KDM4C: variants seen among roughly 807,000 people sequenced by gnomAD.
KDM4C encodes lysine demethylase 4C.
In KDM4C, 81 loss-of-function variants were observed where a neutral mutation model predicts 129.3. That is an observed-to-expected ratio of 0.63 (90% CI 0.52 to 0.75). KDM4C has a LOEUF of 0.75. Ranked by LOEUF, KDM4C falls within the 30% of genes least tolerant of loss-of-function variation. The probability of loss-of-function intolerance (pLI) is 0.00; values close to 1 mark genes in which losing one functional copy is unlikely to be tolerated. For missense variants in KDM4C, 1,457 were observed against 1,304.0 expected (o/e 1.12, Z -1.81); for synonymous variants, 573 against 456.1 (o/e 1.26, Z -3.26).
rs1388114417 is a variant in KDM4C at position 6,969,927 on chromosome 9, G to T, written c.922-10998G>T. ...TCAGGCAGTTGTTTCCCATGTTGTG[G>T]CAGAGATGACTGTTAGCTTCTGTAG... On this transcript the variant is annotated intron_variant, in intron 8 of 21. Coordinates refer to ENST00000381309, the MANE Select transcript of KDM4C (RefSeq NM_015061.6). Among the ~76,000 whole-genome samples the T allele has an allele frequency of 1.3e-5, 2 of 152,276 alleles. 1 individual carries two copies. Among genetic ancestry groups the T allele is most frequent in the Middle Eastern group, 6.8e-3 (2 of 294 alleles).
In KDM4C at chr9:6,758,119, A is replaced by T. The variant is rs1417452096; in HGVS notation, c.-102A>T. On this transcript the variant is annotated 5_prime_UTR_variant, in exon 1 of 22. Transcript: ENST00000381309. This position sits in a 1 kb window ranked among gnomAD's most constrained non-coding sequence, Gnocchi z 4.6. ...ACCTAGTGCGGAACAAGTCTCCCAA[A>T]TTTCCCAAATCTCCCTGGGCCGGAG... is the stretch of plus-strand genomic sequence containing the variant. 65 of 985,108 alleles carry T rather than the reference A, an allele frequency of 6.6e-5. No individual in the cohort carries two copies. Among genetic ancestry groups the T allele is most frequent in the Non-Finnish European group, 7.8e-5 (65 of 829,968 alleles). 61.0% of individuals were successfully genotyped at this position (985,108 alleles called of 1,614,324 possible).
intron 1 of KDM4C, among the ~76,000 whole-genome samples, chr9:6,740,992 T>C (rs912230557): frequency 1.3e-5 from 2 of 151,602 alleles, no homozygotes; most frequent in African/African-American, 4.8e-5. Flanking sequence ...GCCTGGCTAA[T>C]TTTTGTATTT....
At chr9:7,141,384 T>G (rs977960237) in intron 19 of KDM4C, among the ~76,000 whole-genome samples, 5 of 151,372 alleles carry the variant, frequency 3.3e-5, no homozygotes, top group East Asian at 3.9e-4. Context: ...AACAACAACA[T>G]AAGGTGGGTT....
intron 2 of KDM4C, among the ~76,000 whole-genome samples, chr9:6,799,338 G>A (rs377066317): frequency 3.9e-5 from 6 of 152,244 alleles, no homozygotes; most frequent in South Asian, 2.1e-4. Context: ...CGAGGCTGGC[G>A]GATCACTCGC....
At chr9:6,783,941 A>C (rs1264339116) in intron 1 of KDM4C, among the ~76,000 whole-genome samples, 1 of 152,124 alleles carries the variant, frequency 6.6e-6, no homozygotes, top group Non-Finnish European at 1.5e-5. Flanking sequence ...AGAAGGCTGT[A>C]GCTTGGGTGA....
At chr9:6,834,882 ACTT>A in intron 4 of KDM4C, 1 of 1,304,240 alleles carries the variant, frequency 7.7e-7, no homozygotes, top group South Asian at 1.2e-5. Flanking sequence ...CTGTCCCTGT[ACTT>A]CTTTGGCTGT....
intron 8 of KDM4C, among the ~76,000 whole-genome samples, chr9:6,977,334 T>G (rs1489131754): frequency 6.6e-6 from 1 of 152,218 alleles, no homozygotes; most frequent in Non-Finnish European, 1.5e-5. Flanking sequence ...CTCTTTAGGT[T>G]ATAATATGAT....
At chr9:6,944,663 T>TG (rs1171500799) in intron 8 of KDM4C, among the ~76,000 whole-genome samples, 1 of 144,972 alleles carries the variant, frequency 6.9e-6, no homozygotes, top group East Asian at 2.0e-4. Context: ...TTTTTTTTTT[T>TG]TTTTTTTTTT....
At chr9:6,912,123 G>C (rs1819426520) in intron 8 of KDM4C, among the ~76,000 whole-genome samples, 1 of 152,214 alleles carries the variant, frequency 6.6e-6, no homozygotes, top group African/African-American at 2.4e-5. Context: ...GGCAGAGCCA[G>C]GGAGGGGCCT....
intron 8 of KDM4C, among the ~76,000 whole-genome samples, chr9:6,908,683 G>A (rs776937820): frequency 6.6e-6 from 1 of 151,954 alleles, no homozygotes; most frequent in Non-Finnish European, 1.5e-5. Context: ...CTGAGGTGGG[G>A]GGTGGGGAGG....
intron 4 of KDM4C, among the ~76,000 whole-genome samples, chr9:6,846,865 C>T (rs956282575): frequency 3.3e-5 from 5 of 152,100 alleles, no homozygotes; most frequent in Non-Finnish European, 7.4e-5. Flanking sequence ...TTTTCATTAG[C>T]TTATTTAGTG....
chr9:6,950,759 TTAAC>T (rs777612626), intron 8 of KDM4C, among the ~76,000 whole-genome samples: 5 of 152,208 alleles, frequency 3.3e-5, no homozygotes, highest in African/African-American at 4.8e-5. Flanking sequence ...TTTTTTATGG[TTAAC>T]TAACTAATAA....
At chr9:7,039,139 A>G (rs1363270525) in intron 15 of KDM4C, among the ~76,000 whole-genome samples, 1 of 151,876 alleles carries the variant, frequency 6.6e-6, no homozygotes, top group African/African-American at 2.4e-5. Context: ...TAATACTTTT[A>G]TAGGTCTGTT....
intron 19 of KDM4C, among the ~76,000 whole-genome samples, chr9:7,141,878 A>G (rs1283148477): frequency 6.6e-6 from 1 of 151,994 alleles, no homozygotes; most frequent in Admixed American, 6.6e-5. Flanking sequence ...GAGAAGAGAC[A>G]TCTCATGTTT....
intron 20 of KDM4C, among the ~76,000 whole-genome samples, chr9:7,169,194 C>G (rs1360275076): frequency 2.0e-5 from 3 of 151,676 alleles, no homozygotes; most frequent in African/African-American, 7.3e-5. Flanking sequence ...CCCACAGTCT[C>G]ATGTTTTGTG....
chr9:7,066,298 C>T (rs1236532394), intron 17 of KDM4C, among the ~76,000 whole-genome samples: 2 of 152,044 alleles, frequency 1.3e-5, no homozygotes, highest in Non-Finnish European at 2.9e-5. Context: ...GTATGGTATC[C>T]CCCTCTCCAC....
intron 4 of KDM4C, among the ~76,000 whole-genome samples, chr9:6,841,059 G>C (rs375950385): frequency 5.6e-4 from 86 of 152,258 alleles, no homozygotes; most frequent in African/African-American, 1.7e-3. Context: ...TTAAGTTACG[G>C]GGTAGACCTG....
intron 7 of KDM4C, among the ~76,000 whole-genome samples, 174 bp from the exon 8 acceptor site, chr9:6,892,921 T>A (rs1234115631): frequency 6.6e-6 from 1 of 152,232 alleles, no homozygotes; most frequent in Non-Finnish European, 1.5e-5. Context: ...TTTAAACGTT[T>A]CCTGAAAAAG....
chr9:7,020,143 C>G (rs960855908), intron 15 of KDM4C, among the ~76,000 whole-genome samples: 1 of 152,046 alleles, frequency 6.6e-6, no homozygotes, highest in African/African-American at 2.4e-5. Context: ...AAATAAAAAC[C>G]AAAATATATA....
Sources: allele counts gnomAD v4.1 joint callset (sites outside exome capture counted in the v4.1 genomes callset), GRCh38; gene constraint gnomAD v4.1.1; non-coding constraint Gnocchi (gnomAD v3.1); transcripts MANE v1.5; gene names NCBI Gene and HGNC (gene_info 2026-07-23, HGNC 2026-07-21).